Variants in DNASE1L2 observed in about 807,000 individuals in gnomAD.
The protein encoded by DNASE1L2 is deoxyribonuclease-1-like 2.
A neutral mutation model predicts 31.8 loss-of-function variants in DNASE1L2; 35 were observed. That is an observed-to-expected ratio of 1.10 (90% CI 0.84 to 1.46). The LOEUF is 1.46. Ranked by LOEUF, DNASE1L2 falls within the 40% of genes most tolerant of loss-of-function variation. DNASE1L2 has a pLI of 0.00. For missense variants in DNASE1L2, 504 were observed against 418.8 expected (o/e 1.20, Z -1.77); for synonymous variants, 211 against 186.5 (o/e 1.13, Z -1.07).
Position 2,236,847 on chromosome 16 carries a change from C to A in DNASE1L2, c.31C>A (p.Leu11Ile). The change falls in exon 2 of 7, where the codon CTC becomes ATC. Residue 11 changes from leucine to isoleucine, a missense_variant. Physicochemically the swap from Leu to Ile is conservative, Grantham distance 5 (BLOSUM62 2). Coordinates refer to ENST00000320700, the MANE Select transcript of DNASE1L2 (RefSeq NM_001374.3). ...CGGGCCCCGGGCTCTGCTGGCCGCA[C>A]TCTGGGCGCTGGAAGCCGCCGGGAC... is the stretch of plus-strand genomic sequence containing the variant. MGGPRALLAA[L>I]WALEAAGTAA... The A allele has an allele frequency of 6.3e-7, 1 of 1,599,548 alleles. No individual in the cohort carries two copies. The highest frequency in any genetic ancestry group is 8.5e-7 in the Non-Finnish European group (1 of 1,174,654).
chr16:2,237,699 CT>C, intron 5 of DNASE1L2, 50 bp downstream of exon 5: 1 of 1,590,708 alleles, frequency 6.3e-7, no homozygotes, highest in East Asian at 2.3e-5. Flanking sequence ...CCCCGGGGGT[CT>C]GGTTCATGAG....
chr16:2,237,490 G>GGC lies in DNASE1L2; in HGVS notation c.432_433insGC (p.Pro145AlafsTer9). 9.7e-7 allele frequency: 1 copy of GGC among 1,028,316 alleles called. No homozygotes were observed. Among genetic ancestry groups the GGC allele is most frequent in the South Asian group, 1.3e-5 (1 of 77,146 alleles). 63.7% of individuals were successfully genotyped at this position (1,028,316 alleles called of 1,614,324 possible). On this transcript the variant is annotated frameshift_variant, in exon 5 of 7. Coordinates refer to ENST00000320700, the MANE Select transcript of DNASE1L2 (RefSeq NM_001374.3). LOFTEE classifies it high-confidence loss of function. ...CCCCCGGCACCGGTGAGCGGGCCCCGCCCCTCCCCTCCCGCCGAGCTCTGA... is the reference window on the plus strand; with the variant it reads ...CCCCCGGCACCGGTGAGCGGGCCCCGGCCCCCTCCCCTCCCGCCGAGCTCTGA...
At position 2,236,936 on chromosome 16, in the gene DNASE1L2, C is replaced by A; in HGVS notation, c.120C>A (p.Pro40=). Residue 40 remains proline, a synonymous_variant, in exon 2 of 7, where the codon CCC becomes CCA. Transcript: ENST00000320700. ...QSFGDSKVSD[P]ACGSIIAKIL... is the part of the protein sequence containing the mutation. ...TCGGTGACAGCAAAGTGTCGGACCC[C>A]GCTTGCGGCAGCATCATCGCGAAGG... 6.4e-7 allele frequency: 1 copy of A among 1,572,636 alleles called. No individual in the cohort carries two copies. Among genetic ancestry groups the A allele is most frequent in the East Asian group, 2.3e-5 (1 of 42,920 alleles).
chr16:2,237,214 G>A lies in DNASE1L2; in HGVS notation c.234-4G>A, dbSNP rs160550. 0.018 allele frequency: 27,974 copies of A among 1,567,570 alleles called. 3,780 individuals are homozygous for A. The African/African-American group carries it at 0.31, about 18-fold the overall frequency. ...CGACCCTGAGCGGGCCCCTGTCTCCGCAGCGTGTCCGAGCACGAGTACAGC... is the reference window on the plus strand; with the variant it reads ...CGACCCTGAGCGGGCCCCTGTCTCCACAGCGTGTCCGAGCACGAGTACAGC... On this transcript the variant is annotated splice_polypyrimidine_tract_variant and splice_region_variant and intron_variant, in intron 3 of 6. Coordinates refer to ENST00000320700, the MANE Select transcript of DNASE1L2 (RefSeq NM_001374.3).
Position 2,237,908 on chromosome 16 carries a change from T to C in DNASE1L2, c.733T>C (p.Cys245Arg), listed in dbSNP as rs2093517604. The C allele has an allele frequency of 6.2e-7, 1 of 1,612,240 alleles. No homozygotes were observed. The highest frequency in any genetic ancestry group is 8.5e-7 in the Non-Finnish European group (1 of 1,179,804). The stretch of plus-strand genomic sequence containing the variant: ...CGACACCACGGTGGGCAACTCAGAC[T>C]GCGCCTACGACCGCATTGTGGCCTG... ...SADTTVGNSD[C>R]AYDRIVACGA... is the part of the protein sequence containing the mutation. Residue 245 changes from cysteine to arginine, a missense_variant, in exon 6 of 7, where the codon TGC (cysteine) becomes CGC (arginine). By Grantham distance (180) the Cys-to-Arg change is radical. Coordinates refer to ENST00000320700, the MANE Select transcript of DNASE1L2 (RefSeq NM_001374.3).
chr16:2,236,956 C>A lies in DNASE1L2; in HGVS notation c.140C>A (p.Ala47Glu). 3 of 1,561,370 alleles carry A rather than the reference C, an allele frequency of 1.9e-6. No homozygotes were observed. In the South Asian group the frequency reaches 3.5e-5, roughly 18 times the overall value. Residue 47 changes from alanine (A) to glutamate (E), a missense_variant, in exon 2 of 7, where the codon GCG (alanine) becomes GAG (glutamate). Transcript: ENST00000320700. Reference protein sequence around the residue: ...VSDPACGSIIAKILAGYDLAL... With the variant: ...VSDPACGSIIEKILAGYDLAL... Reference sequence around the variant, plus strand: ...GACCCCGCTTGCGGCAGCATCATCGCGAAGGTGGGGCCCGGGCCGGGGCGG... The same window carrying A: ...GACCCCGCTTGCGGCAGCATCATCGAGAAGGTGGGGCCCGGGCCGGGGCGG...
Position 2,237,303 on chromosome 16 carries a change from T to TGAGGGGCGGGCCGCAGG in DNASE1L2, c.317+11_317+27dup. ...GGAGATGTACCTGTTCGTGTACAGGTGAGGGGCGGGCCGCAGGGAGGGGCG... is the reference window on the plus strand; with the variant it reads ...GGAGATGTACCTGTTCGTGTACAGGTGAGGGGCGGGCCGCAGGGAGGGGCGGGCCGCAGGGAGGGGCG... On this transcript the variant is annotated splice_region_variant and intron_variant, in intron 4 of 6. Coordinates refer to ENST00000320700, the MANE Select transcript of DNASE1L2 (RefSeq NM_001374.3). 3.2e-6 allele frequency: 5 copies of TGAGGGGCGGGCCGCAGG among 1,587,030 alleles called. No individual in the cohort carries two copies. Among genetic ancestry groups the TGAGGGGCGGGCCGCAGG allele is most frequent in the Non-Finnish European group, 4.3e-6 (5 of 1,167,888 alleles).
chr16:2,237,659 C>T lies in DNASE1L2; in HGVS notation c.591+10C>T. 6.3e-7 allele frequency: 1 copy of T among 1,592,832 alleles called. No individual in the cohort carries two copies. ...CAAGTGGGGCACCGACGTAAGCCCACCCCTCGGTCCCGGGGTCCCTGCAGG... is the reference window on the plus strand; with the variant it reads ...CAAGTGGGGCACCGACGTAAGCCCATCCCTCGGTCCCGGGGTCCCTGCAGG... On this transcript the variant is annotated intron_variant, in intron 5 of 6. Coordinates refer to ENST00000320700, the MANE Select transcript of DNASE1L2 (RefSeq NM_001374.3).
intron 1 of DNASE1L2, 54 bp from the exon 2 acceptor site, chr16:2,236,724 G>A: frequency 6.9e-7 from 1 of 1,443,410 alleles, no homozygotes; most frequent in African/African-American, 1.4e-5. Context: ...GCCGTCAAGG[G>A]GCGGCCGCGG....
rs758453855 is a variant in DNASE1L2 at position 2,237,478 on chromosome 16, T to C, written c.420T>C (p.Gly140=). 6.5e-5 allele frequency: 102 copies of C among 1,575,706 alleles called. No homozygotes were observed. Among genetic ancestry groups the C allele is most frequent in the Non-Finnish European group, 7.4e-5 (86 of 1,162,604 alleles). The change falls in exon 5 of 7, where the codon GGT becomes GGC. Residue 140 remains glycine (G), a synonymous_variant. Transcript: ENST00000320700. ...FVVKFSAPGT[G]ERAPPLPSRR... ...TCAAGTTCTCGGCCCCCGGCACCGG[T>C]GAGCGGGCCCCGCCCCTCCCCTCCC...
At chr16:2,237,740 T>G (rs1255451512) in intron 5 of DNASE1L2, 27 bp from the exon 6 acceptor site, 1 of 1,597,436 alleles carries the variant, frequency 6.3e-7, no homozygotes, top group Admixed American at 1.7e-5. Flanking sequence ...CTGCGGCGGC[T>G]CAGACACGGC....
At chr16:2,237,695 G>A (rs577362963) in intron 5 of DNASE1L2, 46 bp downstream of exon 5, 2 of 1,589,854 alleles carry the variant, frequency 1.3e-6, no homozygotes, top group Non-Finnish European at 1.7e-6. Context: ...CGCGCCCCGG[G>A]GGTCTGGTTC....
intron 4 of DNASE1L2, 22 bp downstream of exon 4, chr16:2,237,323 G>A (rs2093514721): frequency 1.3e-6 from 2 of 1,590,926 alleles, no homozygotes; most frequent in Non-Finnish European, 1.7e-6. Context: ...GCCGCAGGGA[G>A]GGGCGCGCGG....
Position 2,237,137 on chromosome 16 carries a change from C to A in DNASE1L2, c.233+11C>A. 1 of 1,548,198 alleles carries A rather than the reference C, an allele frequency of 6.5e-7. No homozygotes were observed. Among genetic ancestry groups the A allele is most frequent in the Non-Finnish European group, 8.7e-7 (1 of 1,146,618 alleles). On this transcript the variant is annotated intron_variant, in intron 3 of 6. Transcript: ENST00000320700. ...GGAGCAGATCAACAGGTGTGGTGGG[C>A]AGGGCCCCTCGTCGCGACCCCCCGC...
Position 2,236,854 on chromosome 16 carries a change from C to A in DNASE1L2, c.38C>A (p.Ala13Glu). ...CGGGCTCTGCTGGCCGCACTCTGGG[C>A]GCTGGAAGCCGCCGGGACCGCCGCG... The part of the protein sequence containing the change: ...GPRALLAALW[A>E]LEAAGTAALR... Residue 13 changes from alanine to glutamate, a missense_variant, in exon 2 of 7, where the codon GCG (alanine) becomes GAG (glutamate). Physicochemically the swap from Ala to Glu is moderately radical, Grantham distance 107 (BLOSUM62 -1). Transcript: ENST00000320700. 2 of 1,597,904 alleles carry A rather than the reference C, an allele frequency of 1.3e-6. No individual in the cohort carries two copies. Among genetic ancestry groups the A allele is most frequent in the Non-Finnish European group, 1.7e-6 (2 of 1,173,758 alleles).
Position 2,238,576 on chromosome 16 carries a change from T to A in DNASE1L2, c.*158T>A. ...CATGGACACGTGATGTGCTGCTCTG[T>A]ACCTCCGTTCCCCATCTGTGGGACG... On this transcript the variant is annotated 3_prime_UTR_variant, in exon 7 of 7. Transcript: ENST00000320700. The A allele has an allele frequency of 1.2e-6, 1 of 827,330 alleles. No individual in the cohort carries two copies. The highest frequency in any genetic ancestry group is 1.5e-5 in the South Asian group (1 of 65,262). The allele number at this position is 827,330 out of a possible 1,614,324, so 51.2% of individuals were successfully genotyped here.
Position 2,237,081 on chromosome 16 carries a change from A to T in DNASE1L2, c.188A>T (p.Asp63Val). The T allele has an allele frequency of 1.3e-6, 2 of 1,549,716 alleles. No individual in the cohort carries two copies. Among genetic ancestry groups the T allele is most frequent in the Non-Finnish European group, 1.7e-6 (2 of 1,147,198 alleles). Residue 63 changes from aspartate (D) to valine (V), a missense_variant, in exon 3 of 7, where the codon GAC becomes GTC. Transcript: ENST00000320700. ...YDLALVQEVRDPDLSAVSALM... is the reference protein window; with the variant it reads ...YDLALVQEVRVPDLSAVSALM... ...CTCGCGCTGGTGCAGGAGGTGCGAG[A>T]CCCAGACCTCAGCGCCGTGTCCGCG...
At position 2,236,843 on chromosome 16, in the gene DNASE1L2, C is replaced by T. The variant is rs779124859; in HGVS notation, c.27C>T (p.Ala9=). The T allele has an allele frequency of 6.3e-7, 1 of 1,599,454 alleles. No homozygotes were observed. Among genetic ancestry groups the T allele is most frequent in the South Asian group, 1.1e-5 (1 of 89,418 alleles). MGGPRALL[A]ALWALEAAGT... is the part of the protein sequence containing the mutation. ...TGGGCGGGCCCCGGGCTCTGCTGGC[C>T]GCACTCTGGGCGCTGGAAGCCGCCG... is the stretch of plus-strand genomic sequence containing the variant. The change falls in exon 2 of 7, where the codon GCC becomes GCT. Residue 9 remains alanine, a synonymous_variant. Coordinates refer to ENST00000320700, the MANE Select transcript of DNASE1L2 (RefSeq NM_001374.3).
chr16:2,236,880 C>T lies in DNASE1L2; in HGVS notation c.64C>T (p.Leu22Phe). The T allele has an allele frequency of 1.3e-6, 2 of 1,597,824 alleles. No individual in the cohort carries two copies. The highest frequency in any genetic ancestry group is 2.2e-5 in the South Asian group (2 of 88,974). The change falls in exon 2 of 7, where the codon CTT becomes TTT. Residue 22 changes from leucine (L) to phenylalanine (F), a missense_variant. Physicochemically the swap from Leu to Phe is conservative, Grantham distance 22. Transcript: ENST00000320700. ...GCTGGAAGCCGCCGGGACCGCCGCGCTTCGCATCGGAGCCTTCAACATTCA... is the reference window on the plus strand; with the variant it reads ...GCTGGAAGCCGCCGGGACCGCCGCGTTTCGCATCGGAGCCTTCAACATTCA... The part of the protein sequence containing the change: ...WALEAAGTAA[L>F]RIGAFNIQSF...
Sources: allele counts gnomAD v4.1 joint callset, GRCh38; gene constraint gnomAD v4.1.1; transcripts MANE v1.5; gene names NCBI Gene and HGNC (gene_info 2026-07-23, HGNC 2026-07-21).